Variants in NQO2 observed in about 807,000 individuals in gnomAD.
NQO2 encodes N-ribosyldihydronicotinamide:quinone dehydrogenase 2, also known as ribosyldihydronicotinamide dehydrogenase [quinone].
Under a neutral mutation model 22.0 loss-of-function variants are expected in NQO2, and 18 were observed. That is an observed-to-expected ratio of 0.82 (90% CI 0.56 to 1.21). The LOEUF (loss-of-function observed/expected upper bound fraction) is 1.21, where lower values mean the gene tolerates loss of function less well. Ranked by LOEUF, NQO2 falls within the 50% of genes most tolerant of loss-of-function variation. NQO2 has a pLI of 0.00. For missense variants in NQO2, 267 were observed against 286.9 expected, an observed-to-expected ratio of 0.93 and a Z score of 0.50; for synonymous variants, 106 against 110.8, an observed-to-expected ratio of 0.96 and a Z score of 0.28.
At chr6:3,010,751 A>T (rs1313116630) in intron 3 of NQO2, among the ~76,000 whole-genome samples, 1 of 152,204 alleles carries the variant, frequency 6.6e-6, no homozygotes, top group Non-Finnish European at 1.5e-5. Context: ...GCTGTTCAGC[A>T]GCACCACACT....
intron 1 of NQO2, among the ~76,000 whole-genome samples, chr6:3,001,677 A>C (rs968870376): frequency 6.6e-6 from 1 of 152,222 alleles, no homozygotes; most frequent in Admixed American, 6.5e-5. Flanking sequence ...GACTGTCCAC[A>C]TGGAAAGAGG....
In NQO2 at chr6:3,012,587, C is replaced by G. The variant is rs1446906766; in HGVS notation, c.216C>G (p.Thr72=). 6.2e-7 allele frequency: 1 copy of G among 1,614,090 alleles called. No individual in the cohort carries two copies. The highest frequency in any genetic ancestry group is 8.5e-7 in the Non-Finnish European group (1 of 1,180,020). Reference sequence around the variant, plus strand: ...AGGTTTTCAATTATGGAGTGGAAACCCACGAAGCCTACAAGCAAAGGTCTC... The same window carrying G: ...AGGTTTTCAATTATGGAGTGGAAACGCACGAAGCCTACAAGCAAAGGTCTC... The part of the protein sequence containing the change: ...NPEVFNYGVE[T]HEAYKQRSLA... Residue 72 remains threonine (T), a synonymous_variant, in exon 4 of 7, where the codon ACC becomes ACG. Coordinates refer to ENST00000380455, the MANE Select transcript of NQO2 (RefSeq NM_000904.6).
intron 6 of NQO2, 84 bp downstream of exon 6, chr6:3,017,069 C>CAT: frequency 7.2e-7 from 1 of 1,380,380 alleles, no homozygotes. Flanking sequence ...CACACACACA[C>CAT]GCACACACAT....
chr6:3,012,332 C>T, intron 3 of NQO2: 1 of 939,444 alleles, frequency 1.1e-6, no homozygotes, highest in Non-Finnish European at 1.3e-6. Context: ...GTGTAGAGCA[C>T]AGCACCTGCT....
intron 4 of NQO2, chr6:3,015,279 C>T: frequency 2.8e-6 from 4 of 1,445,090 alleles, no homozygotes; most frequent in African/African-American, 1.4e-5. Flanking sequence ...CTGCCCAGGG[C>T]CAGCATCAGG....
At chr6:3,012,330 C>A in intron 3 of NQO2, 1 of 936,740 alleles carries the variant, frequency 1.1e-6, no homozygotes. Context: ...GTGTGTAGAG[C>A]ACAGCACCTG....
chr6:3,006,344 C>T lies in NQO2; in HGVS notation c.-85-124C>T, dbSNP rs548200952. On this transcript the variant is annotated intron_variant, in intron 1 of 6. Coordinates refer to ENST00000380455, the MANE Select transcript of NQO2 (RefSeq NM_000904.6). This position sits in a 1 kb window ranked among gnomAD's most constrained non-coding sequence, Gnocchi z 4.0. ...AATCTCCAGAAGATTCCTGGCCTCT[C>T]TTGAGAGGTCTTTCTCTGATGTGTT... 2 of 1,389,116 alleles carry T rather than the reference C, an allele frequency of 1.4e-6. No individual in the cohort carries two copies. Among genetic ancestry groups the T allele is most frequent in the African/African-American group, 3.0e-5 (2 of 67,128 alleles). The allele number at this position is 1,389,116 out of a possible 1,614,324, so 86.0% of individuals were successfully genotyped here.
Position 3,008,714 on chromosome 6 carries a change from G to A in NQO2, c.8-1311G>A, listed in dbSNP as rs148218860. On this transcript the variant is annotated intron_variant, in intron 2 of 6. Transcript: ENST00000380455. ...TTTCTATATTTCCTAAGTGTCGGCCGGTCTGAGAAATAAACGGACAGAGTA... is the reference window on the plus strand; with the variant it reads ...TTTCTATATTTCCTAAGTGTCGGCCAGTCTGAGAAATAAACGGACAGAGTA... Among the ~76,000 whole-genome samples the A allele has an allele frequency of 5.4e-3, 816 of 152,236 alleles. 12 individuals carry two copies. Among genetic ancestry groups the A allele is most frequent in the African/African-American group, 0.018 (750 of 41,520 alleles).
At position 3,006,448 on chromosome 6, in the gene NQO2, G is replaced by A. The variant is rs571069534; in HGVS notation, c.-85-20G>A. The A allele has an allele frequency of 1.1e-4, 181 of 1,592,058 alleles. No individual in the cohort carries two copies. In the South Asian group the frequency reaches 1.7e-3, roughly 15 times the overall value. On this transcript the variant is annotated intron_variant, in intron 1 of 6. Coordinates refer to ENST00000380455, the MANE Select transcript of NQO2 (RefSeq NM_000904.6). The surrounding 1 kb of genome is among the most constrained non-coding windows in gnomAD (Gnocchi z 4.0). ...ACCTATGCCTCTCCCCACCCCCTCTGGGTTCGTTTTGTCTTCCAGATTGCT... is the reference window on the plus strand; with the variant it reads ...ACCTATGCCTCTCCCCACCCCCTCTAGGTTCGTTTTGTCTTCCAGATTGCT...
intron 6 of NQO2, 97 bp downstream of exon 6, chr6:3,017,082 A>C: frequency 7.2e-6 from 10 of 1,387,590 alleles, no homozygotes; most frequent in South Asian, 1.3e-5. Context: ...ACACACATAC[A>C]TGCCCTCAGC....
chr6:3,002,198 A>C, intron 1 of NQO2: 1 of 985,454 alleles, frequency 1.0e-6, no homozygotes, highest in South Asian at 4.7e-5. Context: ...GAAGCATTTC[A>C]TACAAACAAC....
At chr6:3,004,594 G>A in intron 1 of NQO2, 5 of 985,540 alleles carry the variant, frequency 5.1e-6, no homozygotes, top group Non-Finnish European at 6.0e-6. Flanking sequence ...GACAGCTGGA[G>A]ATAAGGAGTG....
chr6:3,015,952 G>C (rs2113461258), intron 5 of NQO2, among the ~76,000 whole-genome samples: 1 of 152,264 alleles, frequency 6.6e-6, no homozygotes, highest in South Asian at 2.1e-4. Context: ...CCGGTGGCCA[G>C]CCCTGGCTCC....
intron 2 of NQO2, among the ~76,000 whole-genome samples, chr6:3,009,454 C>T (rs141464335): frequency 6.6e-6 from 1 of 152,228 alleles, no homozygotes; most frequent in East Asian, 1.9e-4. Context: ...ATCACAGGGT[C>T]CTGAGGCAAT....
chr6:3,009,111 G>C (rs1433598501), intron 2 of NQO2, among the ~76,000 whole-genome samples: 1 of 152,144 alleles, frequency 6.6e-6, no homozygotes, highest in African/African-American at 2.4e-5. Context: ...GGAGCGCTAC[G>C]GGAGACTGGG....
intron 3 of NQO2, chr6:3,012,299 G>C (rs1335254750): frequency 4.0e-6 from 3 of 750,086 alleles, no homozygotes; most frequent in Admixed American, 1.2e-4. Flanking sequence ...AGTCTCACCA[G>C]TTGTTATGAA....
At chr6:3,016,303 C>T (rs553232028) in intron 5 of NQO2, among the ~76,000 whole-genome samples, 3 of 151,820 alleles carry the variant, frequency 2.0e-5, no homozygotes, top group Non-Finnish European at 2.9e-5. Context: ...TGGTGGTAGG[C>T]GCCTGTAGTC....
chr6:3,006,347 G>A lies in NQO2; in HGVS notation c.-85-121G>A. The A allele has an allele frequency of 7.2e-7, 1 of 1,390,588 alleles. No individual in the cohort carries two copies. The highest frequency in any genetic ancestry group is 9.3e-7 in the Non-Finnish European group (1 of 1,069,994). 86.1% of individuals were successfully genotyped at this position (1,390,588 alleles called of 1,614,324 possible). A position where few individuals can be genotyped will look rare whatever the true frequency, so the allele number is the denominator to read the frequency against. ...CTCCAGAAGATTCCTGGCCTCTCTTGAGAGGTCTTTCTCTGATGTGTTTGC... is the reference window on the plus strand; with the variant it reads ...CTCCAGAAGATTCCTGGCCTCTCTTAAGAGGTCTTTCTCTGATGTGTTTGC... On this transcript the variant is annotated intron_variant, in intron 1 of 6. Coordinates refer to ENST00000380455, the MANE Select transcript of NQO2 (RefSeq NM_000904.6). The surrounding 1 kb of genome is among the most constrained non-coding windows in gnomAD (Gnocchi z 4.0).
In NQO2 at chr6:3,018,105, T is replaced by C. The variant is rs923599953; in HGVS notation, c.519+1120T>C. Among the ~76,000 whole-genome samples the C allele has an allele frequency of 1.3e-5, 2 of 152,260 alleles. 1 individual carries two copies. Among genetic ancestry groups the C allele is most frequent in the African/African-American group, 4.8e-5 (2 of 41,464 alleles). ...CAATTATATCTTCTAAAAGTTCTTT[T>C]GATTGGTGAAAGCTATTGATTGCTG... On this transcript the variant is annotated intron_variant, in intron 6 of 6. Transcript: ENST00000380455.
Sources: gnomAD v4.1 joint callset for allele counts (sites outside exome capture counted in the v4.1 genomes callset) on GRCh38, gnomAD v4.1.1 for gene constraint, Gnocchi (gnomAD v3.1) non-coding constraint, MANE v1.5 for transcripts, NCBI Gene and HGNC (gene_info 2026-07-23, HGNC 2026-07-21) for gene names.